Variants in DMRT1 observed in about 807,000 individuals in gnomAD.
The protein encoded by DMRT1 is doublesex and mab-3 related transcription factor 1, also known as doublesex- and mab-3-related transcription factor 1.
In DMRT1, 7 loss-of-function variants were observed where a neutral mutation model predicts 32.3. The observed-to-expected ratio is 0.22, with a 90% CI of 0.12 to 0.41. The LOEUF (loss-of-function observed/expected upper bound fraction) is 0.41, where lower values mean the gene tolerates loss of function less well. DMRT1 is among the 10% of genes least tolerant of loss of function. The pLI is 1.00. For missense variants in DMRT1, 625 were observed against 500.5 expected (o/e 1.25, Z -2.37); for synonymous variants, 278 against 206.1 (o/e 1.35, Z -2.99).
chr9:897,854 G>T (rs1402826717), intron 3 of DMRT1, among the ~76,000 whole-genome samples: 1 of 152,134 alleles, frequency 6.6e-6, no homozygotes, highest in Non-Finnish European at 1.5e-5. Flanking sequence ...TCAAAAGACT[G>T]ACATGCGAAT....
intron 2 of DMRT1, among the ~76,000 whole-genome samples, chr9:869,200 G>A (rs60360630): frequency 0.011 from 1,708 of 152,178 alleles, 28 homozygotes; most frequent in African/African-American, 0.038. Flanking sequence ...TGAATTTCAA[G>A]GATATTCTAC....
chr9:886,624 G>T (rs1182287634), intron 2 of DMRT1, among the ~76,000 whole-genome samples: 2 of 152,132 alleles, frequency 1.3e-5, no homozygotes, highest in African/African-American at 4.8e-5. Context: ...ATGGTTGGGG[G>T]AGCTTATTAA....
intron 2 of DMRT1, among the ~76,000 whole-genome samples, chr9:857,373 G>A (rs904336327): frequency 9.9e-5 from 15 of 151,978 alleles, no homozygotes; most frequent in Non-Finnish European, 1.3e-4. Context: ...CTTTGAAAAC[G>A]TTCCTTTCTT....
chr9:841,791 C>G lies in DMRT1; in HGVS notation c.-48C>G, dbSNP rs540857825. 2.5e-6 allele frequency: 4 copies of G among 1,570,322 alleles called. No individual in the cohort carries two copies. Among genetic ancestry groups the G allele is most frequent in the South Asian group, 2.3e-5 (2 of 86,074 alleles). On this transcript the variant is annotated 5_prime_UTR_variant, in exon 1 of 5. Coordinates refer to ENST00000382276, the MANE Select transcript of DMRT1 (RefSeq NM_021951.3). ...TCGGGTTCATCCCTCGCAGCAGTCT[C>G]CAGGCGAGAGAGGGGGCCAGAGTGC...
At chr9:912,178 G>A (rs781447074) in intron 3 of DMRT1, among the ~76,000 whole-genome samples, 19 of 152,156 alleles carry the variant, frequency 1.2e-4, no homozygotes, top group Non-Finnish European at 2.4e-4. Flanking sequence ...CACTTTTAAA[G>A]CATCAGATCT....
chr9:888,599 C>G (rs1474991940), intron 2 of DMRT1, among the ~76,000 whole-genome samples: 1 of 152,114 alleles, frequency 6.6e-6, no homozygotes, highest in African/African-American at 2.4e-5. Flanking sequence ...TGTGCCTGAC[C>G]TCATTTGTTG....
intron 3 of DMRT1, among the ~76,000 whole-genome samples, chr9:901,670 T>G (rs1407895886): frequency 6.7e-6 from 1 of 150,080 alleles, no homozygotes; most frequent in Non-Finnish European, 1.5e-5. Context: ...TCACATGAGT[T>G]TTTTTTTTTG....
At chr9:954,138 G>C (rs2129967612) in intron 4 of DMRT1, among the ~76,000 whole-genome samples, 1 of 152,254 alleles carries the variant, frequency 6.6e-6, no homozygotes, top group South Asian at 2.1e-4. Context: ...AGAGAGGCTA[G>C]GACGTGGCAT....
intron 2 of DMRT1, among the ~76,000 whole-genome samples, chr9:854,112 ATT>A (rs61696723): frequency 1.4e-5 from 2 of 147,026 alleles, no homozygotes; most frequent in African/African-American, 5.0e-5. Context: ...CACTAAGCCC[ATT>A]TTTTTTTTTT....
chr9:859,578 A>G (rs1815562199), intron 2 of DMRT1, among the ~76,000 whole-genome samples: 1 of 152,192 alleles, frequency 6.6e-6, no homozygotes, highest in Non-Finnish European at 1.5e-5. Context: ...TCACAAAAAA[A>G]TCCAATTCGG....
intron 4 of DMRT1, among the ~76,000 whole-genome samples, chr9:960,959 G>A (rs865833660): frequency 3.3e-5 from 5 of 152,170 alleles, no homozygotes; most frequent in African/African-American, 1.2e-4. Context: ...GGTTGTCACC[G>A]GGCCACACGT....
intron 4 of DMRT1, among the ~76,000 whole-genome samples, chr9:956,834 A>G (rs978562049): frequency 6.6e-6 from 1 of 152,214 alleles, no homozygotes; most frequent in Non-Finnish European, 1.5e-5. Flanking sequence ...TTCTGGGATC[A>G]TCTCACCCAG....
At chr9:963,357 C>G (rs900193486) in intron 4 of DMRT1, among the ~76,000 whole-genome samples, 5 of 152,232 alleles carry the variant, frequency 3.3e-5, no homozygotes, top group Middle Eastern at 3.2e-3. Flanking sequence ...TCCACTCTCT[C>G]ATCACTACTC....
chr9:862,759 C>G (rs1235427721), intron 2 of DMRT1, among the ~76,000 whole-genome samples: 1 of 151,576 alleles, frequency 6.6e-6, no homozygotes, highest in African/African-American at 2.4e-5. Flanking sequence ...CAATGGTATT[C>G]CCTTCTGAGA....
intron 2 of DMRT1, among the ~76,000 whole-genome samples, chr9:860,050 A>T (rs28741015): frequency 0.04 from 6,070 of 152,276 alleles, 329 homozygotes; most frequent in African/African-American, 0.12. Flanking sequence ...TAATCCCAGC[A>T]CTTTGGGAGG....
chr9:852,517 C>T (rs1003170947), intron 2 of DMRT1, among the ~76,000 whole-genome samples: 5 of 151,968 alleles, frequency 3.3e-5, no homozygotes, highest in African/African-American at 9.7e-5. Context: ...TTCAGCCTCC[C>T]GTGCTCCTAT....
chr9:944,592 G>C (rs775101579), intron 4 of DMRT1, among the ~76,000 whole-genome samples: 6 of 152,144 alleles, frequency 3.9e-5, no homozygotes, highest in Non-Finnish European at 7.4e-5. Flanking sequence ...CTTTAATGGT[G>C]GAATTTCAGA....
At chr9:879,829 T>C (rs1816659614) in intron 2 of DMRT1, among the ~76,000 whole-genome samples, 1 of 152,234 alleles carries the variant, frequency 6.6e-6, no homozygotes, top group Non-Finnish European at 1.5e-5. Flanking sequence ...TATAACATTA[T>C]GCATTGGTCA....
intron 3 of DMRT1, among the ~76,000 whole-genome samples, chr9:896,296 T>TC (rs1817359775): frequency 1.4e-5 from 2 of 147,036 alleles, no homozygotes; most frequent in Non-Finnish European, 3.0e-5. Flanking sequence ...TTTTTTTTTT[T>TC]TTTTTTTCCT....
Sources: allele counts gnomAD v4.1 joint callset (sites outside exome capture counted in the v4.1 genomes callset), GRCh38; gene constraint gnomAD v4.1.1; transcripts MANE v1.5; gene names NCBI Gene and HGNC (gene_info 2026-07-23, HGNC 2026-07-21).